Variants in PCDH11X observed in about 807,000 individuals in gnomAD.
PCDH11X encodes the protein protocadherin-11 X-linked.
PCDH11X carries 18 observed loss-of-function variants against 53.3 expected under a neutral mutation model. The ratio of observed to expected loss-of-function variants is 0.34; its 90% CI spans 0.23 to 0.50. The LOEUF (loss-of-function observed/expected upper bound fraction) is 0.50. Among genes scored for constraint, PCDH11X ranks in the 20% least tolerant of loss-of-function variants. The pLI, the probability that PCDH11X is intolerant of heterozygous loss-of-function variation, is 0.98. For missense variants in PCDH11X, 570 were observed against 1,032.4 expected (o/e 0.55, Z 6.14); for synonymous variants, 279 against 393.3 (o/e 0.71, Z 3.44).
intron 7 of PCDH11X, among the ~76,000 whole-genome samples, chrX:92,262,322 C>G (rs1042827369): frequency 9.0e-6 from 1 of 111,192 alleles, no homozygotes; most frequent in African/African-American, 3.3e-5. Flanking sequence ...ATAAAGATTG[C>G]GGAGAACAGA....
At chrX:92,302,105 G>A (rs973921766) in intron 8 of PCDH11X, among the ~76,000 whole-genome samples, 1 of 111,508 alleles carries the variant, frequency 9.0e-6, no homozygotes, top group Non-Finnish European at 1.9e-5. Context: ...TTGAATGGGG[G>A]CTGGGTAGAA....
intron 6 of PCDH11X, among the ~76,000 whole-genome samples, chrX:92,136,107 G>C (rs1415649270): frequency 9.0e-6 from 1 of 110,938 alleles, no homozygotes; most frequent in Non-Finnish European, 1.9e-5. Context: ...ATACTAATTA[G>C]TCCCATATTA....
At chrX:92,353,185 TG>T (rs1381434555) in intron 8 of PCDH11X, among the ~76,000 whole-genome samples, 1 of 111,952 alleles carries the variant, frequency 8.9e-6, no homozygotes, top group Non-Finnish European at 1.9e-5. Flanking sequence ...TCATTTGTCA[TG>T]AAATATTTGT....
intron 10 of PCDH11X, among the ~76,000 whole-genome samples, chrX:92,471,355 T>C: frequency 9.4e-6 from 1 of 106,188 alleles, no homozygotes. Context: ...AGTGAGAAAA[T>C]GTGGTATTTG....
At chrX:91,963,095 G>A (rs1291049351) in intron 6 of PCDH11X, among the ~76,000 whole-genome samples, 2 of 111,657 alleles carry the variant, frequency 1.8e-5, no homozygotes, top group Non-Finnish European at 3.8e-5. Context: ...ATTAACATTT[G>A]GCTCCCTTTT....
rs747382588 is a variant in PCDH11X, at chrX:92,066,216, CT to C, written c.3034-135154del. On this transcript the variant is annotated intron_variant, in intron 6 of 10. Coordinates refer to ENST00000682573, the MANE Select transcript of PCDH11X (RefSeq NM_032968.5). ...TGTGCTGTTCCATTGATCTGTGTGT[CT>C]TTTTATGCTGGTACCATGCTGTTTT... 2.7e-3 allele frequency among the ~76,000 whole-genome samples: 241 copies of C among 87,925 alleles called. 1 individual carries two copies. Among genetic ancestry groups the C allele is most frequent in the African/African-American group, 9.6e-3 (227 of 23,579 alleles). 76.4% of individuals were successfully genotyped at this position (87,925 alleles called of 115,157 possible).
At chrX:92,192,534 A>G (rs1232700301) in intron 6 of PCDH11X, among the ~76,000 whole-genome samples, 1 of 108,477 alleles carries the variant, frequency 9.2e-6, no homozygotes, top group Non-Finnish European at 1.9e-5. Context: ...TTTTTAGTAG[A>G]GATGGGGTTT....
At chrX:92,000,065 C>G (rs1452479422) in intron 6 of PCDH11X, among the ~76,000 whole-genome samples, 3 of 111,662 alleles carry the variant, frequency 2.7e-5, no homozygotes, top group African/African-American at 9.8e-5. Context: ...CAGACAGATT[C>G]TATTCTCACT....
chrX:91,917,967 T>A (rs1386160254), intron 6 of PCDH11X, among the ~76,000 whole-genome samples: 4 of 101,152 alleles, frequency 4.0e-5, no homozygotes, highest in Non-Finnish European at 6.1e-5. Context: ...ACAGTACTGG[T>A]ATGAAAACAG....
At chrX:91,982,824 A>G (rs1295144557) in intron 6 of PCDH11X, 5 of 834,353 alleles carry the variant, frequency 6.0e-6, no homozygotes. Context: ...TTCAGGGTCA[A>G]TCAAATACTT....
chrX:92,508,358 G>A (rs1424187248), intron 10 of PCDH11X, among the ~76,000 whole-genome samples: 1 of 109,525 alleles, frequency 9.1e-6, no homozygotes, highest in East Asian at 2.9e-4. Context: ...AAGTGGCTGA[G>A]ATTACAGGCA....
At chrX:91,914,826 C>A (rs1047517440) in intron 6 of PCDH11X, among the ~76,000 whole-genome samples, 2 of 111,445 alleles carry the variant, frequency 1.8e-5, no homozygotes, top group Admixed American at 9.5e-5. Flanking sequence ...CTTATTTGAG[C>A]GAATAATTGA....
intron 7 of PCDH11X, among the ~76,000 whole-genome samples, chrX:92,256,224 C>T (rs1052685288): frequency 6.3e-5 from 7 of 111,734 alleles, no homozygotes; most frequent in African/African-American, 2.0e-4. Flanking sequence ...GTCCGTCACC[C>T]CTTTCTTTGA....
At chrX:92,493,636 G>T (rs2073806368) in intron 10 of PCDH11X, among the ~76,000 whole-genome samples, 1 of 93,375 alleles carries the variant, frequency 1.1e-5, no homozygotes, top group Admixed American at 1.3e-4. Flanking sequence ...CATAATGTTT[G>T]CCCCCTTAAC....
intron 6 of PCDH11X, among the ~76,000 whole-genome samples, chrX:91,888,535 G>T (rs768835693): frequency 0.011 from 1,220 of 109,563 alleles, 16 homozygotes; most frequent in African/African-American, 0.039. Context: ...CATATCTGTG[G>T]TCTCAGCTAC....
chrX:92,414,948 C>T (rs2071775982), intron 9 of PCDH11X, among the ~76,000 whole-genome samples: 1 of 110,463 alleles, frequency 9.1e-6, no homozygotes, highest in Non-Finnish European at 1.9e-5. Flanking sequence ...ATATTCTCTT[C>T]TCAGGATTTA....
chrX:92,573,287 T>C (rs918160312), intron 10 of PCDH11X, among the ~76,000 whole-genome samples: 82 of 112,020 alleles, frequency 7.3e-4, no homozygotes, highest in Non-Finnish European at 1.1e-3. Flanking sequence ...AAAACAATCT[T>C]CAATTCATTT....
chrX:91,921,822 C>T (rs1429046742), intron 6 of PCDH11X, among the ~76,000 whole-genome samples: 1 of 110,244 alleles, frequency 9.1e-6, no homozygotes, highest in Non-Finnish European at 1.9e-5. Context: ...TGGGTAAATA[C>T]TAAGGAATGT....
chrX:92,408,134 C>T (rs1385727294), intron 9 of PCDH11X, among the ~76,000 whole-genome samples: 1 of 110,798 alleles, frequency 9.0e-6, no homozygotes, highest in Admixed American at 9.6e-5. Flanking sequence ...CCATCCACCT[C>T]GGCCTCACAA....
Sources: gnomAD v4.1 joint callset for allele counts (sites outside exome capture counted in the v4.1 genomes callset) on GRCh38, gnomAD v4.1.1 for gene constraint, MANE v1.5 for transcripts, NCBI Gene and HGNC (gene_info 2026-07-23, HGNC 2026-07-21) for gene names.